The following NMNAT2 variants were observed in gnomAD, a reference collection of about 807,000 sequenced individuals.
NMNAT2 encodes the protein nicotinamide nucleotide adenylyltransferase 2.
In NMNAT2, 11 loss-of-function variants were observed where a neutral mutation model predicts 41.6. That is an observed-to-expected ratio of 0.26 (90% confidence interval 0.17 to 0.44). The LOEUF (loss-of-function observed/expected upper bound fraction) is 0.44, where lower values mean the gene tolerates loss of function less well. Among genes scored for constraint, NMNAT2 ranks in the 20% least tolerant of loss-of-function variants. NMNAT2 has a pLI of 1.00. For synonymous variants in NMNAT2, 148 were observed against 151.2 expected (o/e 0.98, Z 0.16); for missense variants, 288 against 407.7 (o/e 0.71, Z 2.53).
Position 183,250,379 on chromosome 1 carries a change from T to A in NMNAT2, c.*2262A>T, listed in dbSNP as rs1660343021. On this transcript the variant is annotated 3_prime_UTR_variant, in exon 11 of 11. Transcript: ENST00000287713. ...GAAACCTAACAGTGGCCTTCCTTACTATCACACCCTCCCCTGGGACTGGCA... is the reference window on the plus strand; with the variant it reads ...GAAACCTAACAGTGGCCTTCCTTACAATCACACCCTCCCCTGGGACTGGCA... 6.6e-6 allele frequency: 1 copy of A among 152,262 alleles called. No individual in the cohort carries two copies. Among genetic ancestry groups the A allele is most frequent in the Admixed American group, 6.5e-5 (1 of 15,288 alleles). 9.4% of individuals were successfully genotyped at this position (152,262 alleles called of 1,614,324 possible).
At chr1:183,368,375 G>A (rs1275787755) in intron 1 of NMNAT2, among the ~76,000 whole-genome samples, 1 of 152,172 alleles carries the variant, frequency 6.6e-6, no homozygotes, top group East Asian at 1.9e-4. Context: ...AATAAGGACA[G>A]AGAAGTCTTT....
At chr1:183,297,484 G>A (rs569420819) in intron 1 of NMNAT2, among the ~76,000 whole-genome samples, 16 of 151,628 alleles carry the variant, frequency 1.1e-4, no homozygotes, top group African/African-American at 3.6e-4. Context: ...CCGGGTTCAA[G>A]CGATTCTCCT....
Position 183,286,644 on chromosome 1 carries a change from A to T in NMNAT2, c.448+18T>A, listed in dbSNP as rs907337670. On this transcript the variant is annotated intron_variant, in intron 5 of 10. Coordinates refer to ENST00000287713, the MANE Select transcript of NMNAT2 (RefSeq NM_015039.4). ...CATGATTCTGAGGTCTGAGAATCAC[A>T]CATCAGTGTTCCCCTACCTGCAGTG... is the stretch of plus-strand genomic sequence containing the variant. 8.8e-6 allele frequency: 14 copies of T among 1,595,150 alleles called. No individual in the cohort carries two copies. Among genetic ancestry groups the T allele is most frequent in the Non-Finnish European group, 1.2e-5 (14 of 1,169,908 alleles).
At chr1:183,405,769 T>A (rs778536678) in intron 1 of NMNAT2, among the ~76,000 whole-genome samples, 2 of 152,234 alleles carry the variant, frequency 1.3e-5, no homozygotes, top group Non-Finnish European at 2.9e-5. Flanking sequence ...CAGTGAAATA[T>A]CAGAAAACAA....
intron 1 of NMNAT2, among the ~76,000 whole-genome samples, chr1:183,297,519 A>G (rs193099774): frequency 1.3e-5 from 2 of 152,090 alleles, no homozygotes; most frequent in African/African-American, 4.8e-5. Context: ...AGTAGCTGGA[A>G]TTACAGGGAT....
chr1:183,327,568 G>A (rs1200173073), intron 1 of NMNAT2, among the ~76,000 whole-genome samples: 2 of 152,202 alleles, frequency 1.3e-5, no homozygotes. Context: ...CTCAAATTCA[G>A]ACATCTGTAC....
intron 1 of NMNAT2, among the ~76,000 whole-genome samples, chr1:183,351,631 G>C (rs908925801): frequency 6.6e-6 from 1 of 152,172 alleles, no homozygotes. Flanking sequence ...TTTCAGCTTA[G>C]GGTCTTTGTT....
intron 1 of NMNAT2, among the ~76,000 whole-genome samples, chr1:183,294,209 C>T (rs971184570): frequency 6.6e-6 from 1 of 152,120 alleles, no homozygotes; most frequent in Non-Finnish European, 1.5e-5. Flanking sequence ...GAAAGATGTG[C>T]TGATTGCCTC....
intron 1 of NMNAT2, among the ~76,000 whole-genome samples, chr1:183,351,369 G>A (rs1663043520): frequency 6.6e-6 from 1 of 152,186 alleles, no homozygotes; most frequent in African/African-American, 2.4e-5. Flanking sequence ...GACACCCAGA[G>A]CCCTGGATGA....
chr1:183,348,268 C>A (rs1343834614), intron 1 of NMNAT2, among the ~76,000 whole-genome samples: 2 of 152,034 alleles, frequency 1.3e-5, no homozygotes, highest in Admixed American at 1.3e-4. Context: ...TGCTCTTAAG[C>A]TGTGCGTGCG....
At chr1:183,306,593 C>T (rs1434704680) in intron 1 of NMNAT2, among the ~76,000 whole-genome samples, 1 of 152,086 alleles carries the variant, frequency 6.6e-6, no homozygotes, top group Admixed American at 6.5e-5. Flanking sequence ...TGAAAACGTA[C>T]CATGTGTGAG....
chr1:183,330,540 A>G (rs1173015743), intron 1 of NMNAT2, among the ~76,000 whole-genome samples: 1 of 151,970 alleles, frequency 6.6e-6, no homozygotes, highest in Non-Finnish European at 1.5e-5. Context: ...TTCCTCAACC[A>G]TGCCTTCACT....
chr1:183,335,849 C>A (rs1458749655), intron 1 of NMNAT2, among the ~76,000 whole-genome samples: 1 of 152,192 alleles, frequency 6.6e-6, no homozygotes, highest in African/African-American at 2.4e-5. Flanking sequence ...ACATTACAGG[C>A]ACCCATCAAT....
At chr1:183,294,761 G>A (rs918531773) in intron 1 of NMNAT2, among the ~76,000 whole-genome samples, 1 of 152,170 alleles carries the variant, frequency 6.6e-6, no homozygotes, top group East Asian at 1.9e-4. Flanking sequence ...CTGCACTCCA[G>A]CCTGGGTGAC....
At chr1:183,273,043 T>C (rs1355974586) in intron 8 of NMNAT2, among the ~76,000 whole-genome samples, 1 of 152,250 alleles carries the variant, frequency 6.6e-6, no homozygotes, top group Admixed American at 6.5e-5. Flanking sequence ...CAAGTGGAGG[T>C]GTAAACAGGC....
intron 8 of NMNAT2, among the ~76,000 whole-genome samples, chr1:183,263,631 C>A (rs1009017799): frequency 6.6e-6 from 1 of 152,068 alleles, no homozygotes; most frequent in Admixed American, 6.5e-5. Context: ...ACGGTGAAAC[C>A]CTGTCTCTAC....
intron 1 of NMNAT2, among the ~76,000 whole-genome samples, chr1:183,309,489 ACGATACTTGG>A (rs1662062151): frequency 6.6e-6 from 1 of 152,224 alleles, no homozygotes. Flanking sequence ...TGAATTAGAT[ACGATACTTGG>A]CACGTTAATG....
At position 183,353,378 on chromosome 1, in the gene NMNAT2, G is replaced by T. The variant is rs541082404; in HGVS notation, c.86-59585C>A. On this transcript the variant is annotated intron_variant, in intron 1 of 10. Coordinates refer to ENST00000287713, the MANE Select transcript of NMNAT2 (RefSeq NM_015039.4). ...GAGATCTTTCCGAAACAGTCAGTAG[G>T]ATCTTTTCCATTCATCCTTCTCCTT... Among the ~76,000 whole-genome samples the T allele has an allele frequency of 5.3e-5, 8 of 152,284 alleles. No individual in the cohort carries two copies. In the South Asian group the frequency reaches 1.7e-3, roughly 32 times the overall value.
At chr1:183,375,149 C>T (rs1663647651) in intron 1 of NMNAT2, among the ~76,000 whole-genome samples, 1 of 152,168 alleles carries the variant, frequency 6.6e-6, no homozygotes, top group Non-Finnish European at 1.5e-5. Flanking sequence ...CTCCTTTGTC[C>T]TCCACAGACC....
Sources: gnomAD v4.1 joint callset for allele counts (sites outside exome capture counted in the v4.1 genomes callset) on GRCh38, gnomAD v4.1.1 for gene constraint, MANE v1.5 for transcripts, NCBI Gene and HGNC (gene_info 2026-07-23, HGNC 2026-07-21) for gene names.